CNTNAP5: variants seen among roughly 807,000 people sequenced by gnomAD.
CNTNAP5 encodes the protein contactin associated protein family member 5, also known as contactin-associated protein-like 5.
A neutral mutation model predicts 150.2 loss-of-function variants in CNTNAP5; 72 were observed. The ratio of observed to expected loss-of-function variants is 0.48; its 90% CI spans 0.40 to 0.58. CNTNAP5 has a LOEUF of 0.58. Ranked by LOEUF, CNTNAP5 falls within the 20% of genes least tolerant of loss-of-function variation. The pLI is 0.00. For synonymous variants in CNTNAP5, 672 were observed against 619.8 expected, an observed-to-expected ratio of 1.08 and a Z score of -1.25; for missense variants, 1,636 against 1,626.2, an observed-to-expected ratio of 1.01 and a Z score of -0.10.
At chr2:124,636,894 A>ATCTTTG (rs1343516423) in intron 12 of CNTNAP5, among the ~76,000 whole-genome samples, 5 of 75,734 alleles carry the variant, frequency 6.6e-5, no homozygotes, top group Non-Finnish European at 1.7e-4. Flanking sequence ...TGCCCTCCTC[A>ATCTTTG]TCTCTTTCTC....
At chr2:124,515,584 G>A (rs147651487) in intron 8 of CNTNAP5, among the ~76,000 whole-genome samples, 55 of 152,262 alleles carry the variant, frequency 3.6e-4, no homozygotes, top group African/African-American at 1.3e-3. Context: ...CTAGCTGGCT[G>A]TGATAGAAAG....
intron 19 of CNTNAP5, among the ~76,000 whole-genome samples, chr2:124,853,285 C>G (rs1213840768): frequency 6.6e-6 from 1 of 152,198 alleles, no homozygotes; most frequent in Non-Finnish European, 1.5e-5. Flanking sequence ...TTAAATATCA[C>G]TTTGTGTCAC....
intron 18 of CNTNAP5, among the ~76,000 whole-genome samples, chr2:124,791,969 T>C (rs545094238): frequency 6.0e-4 from 91 of 152,296 alleles, no homozygotes; most frequent in African/African-American, 2.1e-3. Flanking sequence ...ATGGCCTTTT[T>C]AGTCACATCT....
chr2:124,249,271 C>T (rs954590816), intron 3 of CNTNAP5, among the ~76,000 whole-genome samples: 2 of 152,184 alleles, frequency 1.3e-5, no homozygotes, highest in African/African-American at 4.8e-5. Context: ...GGGAATTACT[C>T]TGCCGTCTCT....
At chr2:124,027,703 T>G (rs1680935021) in intron 1 of CNTNAP5, among the ~76,000 whole-genome samples, 2 of 152,238 alleles carry the variant, frequency 1.3e-5, no homozygotes, top group African/African-American at 4.8e-5. Context: ...GCTTTAGTAT[T>G]TTATCAGTGA....
chr2:124,680,776 G>C (rs1294748128), intron 13 of CNTNAP5: 1 of 151,820 alleles, frequency 6.6e-6, no homozygotes, highest in Non-Finnish European at 1.5e-5. Flanking sequence ...TTGTTGTAAG[G>C]ATGATGCTAA....
intron 16 of CNTNAP5, among the ~76,000 whole-genome samples, chr2:124,768,570 C>A (rs949804019): frequency 1.3e-5 from 2 of 152,044 alleles, no homozygotes; most frequent in Non-Finnish European, 2.9e-5. Context: ...TCTTTCCAAG[C>A]ACTCCCATCG....
At chr2:124,583,657 T>C (rs1332607386) in intron 11 of CNTNAP5, among the ~76,000 whole-genome samples, 4 of 152,220 alleles carry the variant, frequency 2.6e-5, no homozygotes, top group Admixed American at 1.3e-4. Flanking sequence ...AAAGATACTT[T>C]TGGGAGGTTT....
intron 1 of CNTNAP5, among the ~76,000 whole-genome samples, chr2:124,164,402 T>C (rs1684760357): frequency 6.6e-6 from 1 of 152,188 alleles, no homozygotes; most frequent in African/African-American, 2.4e-5. Flanking sequence ...GATTATAATA[T>C]AATTTCAGAT....
intron 1 of CNTNAP5, among the ~76,000 whole-genome samples, chr2:124,137,248 GAA>G (rs1193078953): frequency 6.7e-6 from 1 of 149,156 alleles, no homozygotes; most frequent in East Asian, 1.9e-4. Flanking sequence ...ATGAATATAT[GAA>G]AAAAAAATAA....
intron 1 of CNTNAP5, among the ~76,000 whole-genome samples, chr2:124,137,645 C>T (rs1250697079): frequency 6.6e-6 from 1 of 152,170 alleles, no homozygotes; most frequent in African/African-American, 2.4e-5. Flanking sequence ...TACTAAGGGG[C>T]TTACATTCTG....
chr2:124,056,259 C>T (rs534458320), intron 1 of CNTNAP5, among the ~76,000 whole-genome samples: 1 of 152,184 alleles, frequency 6.6e-6, no homozygotes, highest in African/African-American at 2.4e-5. Flanking sequence ...GGAAATTGAC[C>T]ATCTCCTCTC....
In CNTNAP5 at chr2:124,389,669, T is replaced by TAAG. The variant is rs146357396; in HGVS notation, c.382-27772_382-27771insGAA. On this transcript the variant is annotated intron_variant, in intron 3 of 23. Transcript: ENST00000682447. The stretch of plus-strand genomic sequence containing the variant: ...AGAATCTGCACACCTTTTTAAAAAA[T>TAAG]AATAATAATAATTTAGGCTGGGTGC... 5.4e-3 allele frequency among the ~76,000 whole-genome samples: 817 copies of TAAG among 152,136 alleles called. 6 individuals carry two copies. The highest frequency in any genetic ancestry group is 8.8e-3 in the Non-Finnish European group (599 of 67,932).
chr2:124,040,832 T>A (rs776459656), intron 1 of CNTNAP5, among the ~76,000 whole-genome samples: 1 of 152,132 alleles, frequency 6.6e-6, no homozygotes, highest in Non-Finnish European at 1.5e-5. Context: ...TACTGAGAAA[T>A]GTTCAACCTT....
chr2:124,278,365 A>C (rs987198024), intron 3 of CNTNAP5, among the ~76,000 whole-genome samples: 1 of 152,170 alleles, frequency 6.6e-6, no homozygotes, highest in Non-Finnish European at 1.5e-5. Context: ...GCTCCTATAG[A>C]GAAATAACAT....
At chr2:124,134,614 G>T (rs1683932700) in intron 1 of CNTNAP5, among the ~76,000 whole-genome samples, 1 of 152,146 alleles carries the variant, frequency 6.6e-6, no homozygotes, top group Non-Finnish European at 1.5e-5. Context: ...AAACCCAATT[G>T]TGCATGGTCC....
At chr2:124,710,050 G>T (rs961010988) in intron 13 of CNTNAP5, among the ~76,000 whole-genome samples, 39 of 152,054 alleles carry the variant, frequency 2.6e-4, no homozygotes, top group African/African-American at 8.9e-4. Context: ...TTTGCCATCT[G>T]TAGTGACTGA....
intron 13 of CNTNAP5, among the ~76,000 whole-genome samples, chr2:124,713,296 TCTTTC>T (rs1679861821): frequency 7.8e-6 from 1 of 128,600 alleles, no homozygotes; most frequent in Non-Finnish European, 1.7e-5. Context: ...TTTCTTTCTT[TCTTTC>T]TTCTTTCTCT....
At chr2:124,356,732 G>A (rs1690020801) in intron 3 of CNTNAP5, among the ~76,000 whole-genome samples, 1 of 151,854 alleles carries the variant, frequency 6.6e-6, no homozygotes, top group African/African-American at 2.4e-5. Flanking sequence ...TTGGTTCCAA[G>A]TCTTTGCTAT....
Sources: gnomAD v4.1 joint callset for allele counts (sites outside exome capture counted in the v4.1 genomes callset) on GRCh38, gnomAD v4.1.1 for gene constraint, MANE v1.5 for transcripts, NCBI Gene and HGNC (gene_info 2026-07-23, HGNC 2026-07-21) for gene names.